Variants in ULK4 observed in about 807,000 individuals in gnomAD.
The protein encoded by ULK4 is unc-51 like kinase 4.
Under a neutral mutation model 160.6 loss-of-function variants are expected in ULK4, and 133 were observed. That is an observed-to-expected ratio of 0.83 (90% CI 0.72 to 0.96). The LOEUF is 0.96. ULK4 is among the 40% of genes least tolerant of loss of function. The pLI is 0.00. For synonymous variants in ULK4, 534 were observed against 539.8 expected (o/e 0.99, Z 0.15); for missense variants, 1,580 against 1,499.5 (o/e 1.05, Z -0.89).
rs1007021604 is a variant in ULK4 at position 41,305,474 on chromosome 3, G to A, written c.3679-55900C>T. Among the ~76,000 whole-genome samples the A allele has an allele frequency of 7.8e-4, 119 of 152,326 alleles. 1 individual carries two copies. Among genetic ancestry groups the A allele is most frequent in the Non-Finnish European group, 1.3e-3 (89 of 68,030 alleles). On this transcript the variant is annotated intron_variant, in intron 35 of 36. Coordinates refer to ENST00000301831, the MANE Select transcript of ULK4 (RefSeq NM_017886.4). Reference sequence around the variant, plus strand: ...TAACCGCAAGTGATCCGCCAGCCTCGGCCTCCCGAGGTGCCGGGATTGCAG... The same window carrying A: ...TAACCGCAAGTGATCCGCCAGCCTCAGCCTCCCGAGGTGCCGGGATTGCAG...
intron 17 of ULK4, among the ~76,000 whole-genome samples, chr3:41,873,862 T>C (rs527361660): frequency 1.3e-5 from 2 of 149,198 alleles, no homozygotes; most frequent in African/African-American, 4.9e-5. Context: ...CCTCTAGGTT[T>C]GTTTTTGTGG....
At chr3:41,261,685 C>T (rs963411623) in intron 35 of ULK4, among the ~76,000 whole-genome samples, 1 of 152,156 alleles carries the variant, frequency 6.6e-6, no homozygotes, top group African/African-American at 2.4e-5. Flanking sequence ...CTCATCATTT[C>T]CAGGCAAAGC....
chr3:41,444,200 T>C (rs187736093), intron 34 of ULK4, among the ~76,000 whole-genome samples: 23 of 152,260 alleles, frequency 1.5e-4, no homozygotes, highest in African/African-American at 4.1e-4. Flanking sequence ...AAAACTTGCA[T>C]TTCATTTTTT....
intron 27 of ULK4, among the ~76,000 whole-genome samples, chr3:41,691,878 C>G (rs2036311320): frequency 6.8e-6 from 1 of 147,202 alleles, no homozygotes; most frequent in African/African-American, 2.5e-5. Context: ...AACAATGCAG[C>G]AAGACAATAA....
rs201425733 is a variant in ULK4 at position 41,901,172 on chromosome 3, CTTTTTTTTTTTTT to C, written c.1183-356_1183-344del. The stretch of plus-strand genomic sequence containing the variant: ...TGGTTTTTCCATAACAGCATGGCTT[CTTTTTTTTTTTTT>C]TTTTTTTTTTTTGAGGCGGAGTCTC... On this transcript the variant is annotated intron_variant, in intron 12 of 36. Coordinates refer to ENST00000301831, the MANE Select transcript of ULK4 (RefSeq NM_017886.4). Among the ~76,000 whole-genome samples the C allele has an allele frequency of 8.3e-3, 1,000 of 119,928 alleles. 11 individuals are homozygous for C. The highest frequency in any genetic ancestry group is 0.033 in the African/African-American group (951 of 28,840). The allele number at this position is 119,928 out of a possible 152,430, so 78.7% of individuals were successfully genotyped here.
intron 19 of ULK4, among the ~76,000 whole-genome samples, chr3:41,808,916 C>A (rs1180858984): frequency 6.6e-6 from 1 of 152,150 alleles, no homozygotes; most frequent in Non-Finnish European, 1.5e-5. Flanking sequence ...CACCTGTAAA[C>A]CCAGCATTTT....
rs78555140 is a variant in ULK4, at chr3:41,404,339, C to T, written c.3493-6075G>A. Among the ~76,000 whole-genome samples, 368 of 150,612 alleles carry T rather than the reference C, an allele frequency of 2.4e-3. 2 individuals carry two copies. The highest frequency in any genetic ancestry group is 0.016 in the East Asian group (79 of 5,058). ...AGATCTTTTAATCATTAGGTAATGT[C>T]CCTCTCTGCCTCTGGTAATTTTCCC... On this transcript the variant is annotated intron_variant, in intron 34 of 36. Transcript: ENST00000301831.
intron 34 of ULK4, among the ~76,000 whole-genome samples, chr3:41,399,898 C>T (rs1390468178): frequency 6.6e-6 from 1 of 152,186 alleles, no homozygotes; most frequent in Non-Finnish European, 1.5e-5. Context: ...AGCCACCATA[C>T]CCAATCACGC....
intron 34 of ULK4, among the ~76,000 whole-genome samples, chr3:41,428,374 A>G (rs2082825132): frequency 6.6e-6 from 1 of 152,212 alleles, no homozygotes; most frequent in Non-Finnish European, 1.5e-5. Context: ...TGCTATTCCC[A>G]TTAAACTACC....
At chr3:41,928,552 G>T (rs1333328637) in intron 5 of ULK4, among the ~76,000 whole-genome samples, 2 of 88,674 alleles carry the variant, frequency 2.3e-5, no homozygotes, top group Non-Finnish European at 5.1e-5. Context: ...AAAAATCAAT[G>T]AATCTAGGAG....
chr3:41,745,648 G>A (rs2038395338), intron 22 of ULK4, among the ~76,000 whole-genome samples: 1 of 151,594 alleles, frequency 6.6e-6, no homozygotes, highest in Admixed American at 6.6e-5. Context: ...TTCATTTTAT[G>A]AGGCTAGTAT....
At chr3:41,610,767 T>C (rs1490842509) in intron 31 of ULK4, among the ~76,000 whole-genome samples, 1 of 152,224 alleles carries the variant, frequency 6.6e-6, no homozygotes, top group Non-Finnish European at 1.5e-5. Context: ...TGCTCTTTAA[T>C]TGTTTATTTT....
At chr3:41,611,667 G>C (rs1279627888) in intron 31 of ULK4, among the ~76,000 whole-genome samples, 1 of 152,034 alleles carries the variant, frequency 6.6e-6, no homozygotes, top group African/African-American at 2.4e-5. Context: ...CATGACCCAA[G>C]CCTGACTCTT....
chr3:41,860,870 T>C (rs936219841), intron 17 of ULK4, among the ~76,000 whole-genome samples: 1 of 152,228 alleles, frequency 6.6e-6, no homozygotes, highest in African/African-American at 2.4e-5. Flanking sequence ...CTTTTTATTT[T>C]TTGTGTATCC....
intron 23 of ULK4, 73 bp downstream of exon 23, chr3:41,717,655 A>T: frequency 6.5e-7 from 1 of 1,545,282 alleles, no homozygotes; most frequent in Non-Finnish European, 8.8e-7. Context: ...AATAAAAAAG[A>T]ACTGATGCCT....
At chr3:41,659,060 G>A (rs1417083429) in intron 30 of ULK4, among the ~76,000 whole-genome samples, 1 of 152,152 alleles carries the variant, frequency 6.6e-6, no homozygotes, top group South Asian at 2.1e-4. Context: ...TACCTCAAAT[G>A]AGTGATTTTA....
chr3:41,796,976 C>T (rs184699513), intron 20 of ULK4, among the ~76,000 whole-genome samples: 602 of 152,220 alleles, frequency 4.0e-3, no homozygotes, highest in Middle Eastern at 0.014. Context: ...GGATCCCACT[C>T]GCCAAATCTG....
chr3:41,304,551 T>C (rs539327372), intron 35 of ULK4, among the ~76,000 whole-genome samples: 109 of 152,290 alleles, frequency 7.2e-4, no homozygotes, highest in African/African-American at 2.4e-3. Flanking sequence ...TCAACCCTAG[T>C]TGATTTAGCA....
chr3:41,700,960 C>T (rs1324302999), intron 27 of ULK4, among the ~76,000 whole-genome samples: 1 of 151,688 alleles, frequency 6.6e-6, no homozygotes, highest in Non-Finnish European at 1.5e-5. Flanking sequence ...AAATTAGAAA[C>T]TCAACGTGCT....
Sources: gnomAD v4.1 joint callset for allele counts (sites outside exome capture counted in the v4.1 genomes callset) on GRCh38, gnomAD v4.1.1 for gene constraint, MANE v1.5 for transcripts, NCBI Gene and HGNC (gene_info 2026-07-23, HGNC 2026-07-21) for gene names.